Variants in DCDC2 observed in about 807,000 individuals in gnomAD.
DCDC2 encodes the protein doublecortin domain-containing protein 2.
Under a neutral mutation model 50.2 loss-of-function variants are expected in DCDC2, and 40 were observed. That is an observed-to-expected ratio of 0.80 (90% CI 0.62 to 1.04). DCDC2 has a LOEUF of 1.04. Among genes scored for constraint, DCDC2 ranks in the 50% least tolerant of loss-of-function variants. The pLI is 0.00. For missense variants in DCDC2, 570 were observed against 581.9 expected (o/e 0.98, Z 0.21); for synonymous variants, 234 against 210.6 (o/e 1.11, Z -0.96).
chr6:24,220,911 TGAGCGAGC>T (rs1184828335), intron 7 of DCDC2, among the ~76,000 whole-genome samples: 1 of 125,290 alleles, frequency 8.0e-6, no homozygotes, highest in Non-Finnish European at 1.8e-5. Context: ...AGCGAGAGAG[TGAGCGAGC>T]GAGCGAGAGC....
intron 7 of DCDC2, among the ~76,000 whole-genome samples, chr6:24,237,446 A>T (rs2113788121): frequency 6.6e-6 from 1 of 152,346 alleles, no homozygotes; most frequent in African/African-American, 2.4e-5. Flanking sequence ...TGTGGAAAAA[A>T]GGGAATGTTT....
chr6:24,372,368 G>A, the DCDC2 span, among the ~76,000 whole-genome samples: 53 of 151,852 alleles, frequency 3.5e-4, no homozygotes, highest in South Asian at 3.5e-3. Context: ...GTAGTGAGCC[G>A]AGATGGCGCC....
chr6:24,267,458 TAAAAC>T (rs1239935158), intron 7 of DCDC2, among the ~76,000 whole-genome samples: 6 of 152,036 alleles, frequency 3.9e-5, no homozygotes, highest in South Asian at 4.1e-4. Context: ...AAATTAAAAA[TAAAAC>T]AAAACAAAAA....
intron 8 of DCDC2, among the ~76,000 whole-genome samples, chr6:24,193,214 T>C (rs1761349507): frequency 6.6e-6 from 1 of 152,052 alleles, no homozygotes; most frequent in Non-Finnish European, 1.5e-5. Flanking sequence ...AAAATGTGTC[T>C]CCCATGAAGC....
intron 7 of DCDC2, among the ~76,000 whole-genome samples, chr6:24,217,907 T>C (rs957001418): frequency 2.6e-5 from 4 of 152,234 alleles, no homozygotes; most frequent in Admixed American, 6.5e-5. Flanking sequence ...TGACTATGCA[T>C]AAAGTCTGCA....
rs556455237 is a variant in DCDC2, at chr6:24,184,211, C to T, written c.1024-5579G>A. On this transcript the variant is annotated intron_variant, in intron 8 of 9. Coordinates refer to ENST00000378454, the MANE Select transcript of DCDC2 (RefSeq NM_016356.5). The stretch of plus-strand genomic sequence containing the variant: ...CAAGTCGCTACAATAAGGACACTCA[C>T]GTGTACTTTCAATGGCCAGAACATA... 4.7e-3 allele frequency among the ~76,000 whole-genome samples: 722 copies of T among 152,230 alleles called. 6 individuals are homozygous for T. The highest frequency in any genetic ancestry group is 0.016 in the African/African-American group (685 of 41,520).
At chr6:24,381,810 G>GGAAGGAAA in the DCDC2 span, among the ~76,000 whole-genome samples, 2 of 86,236 alleles carry the variant, frequency 2.3e-5, no homozygotes, top group Non-Finnish European at 4.9e-5. Context: ...AAGAAAGGAA[G>GGAAGGAAA]GAAGGAAGGA....
chr6:24,312,259 G>A (rs973709453), intron 2 of DCDC2, among the ~76,000 whole-genome samples: 1 of 151,970 alleles, frequency 6.6e-6, no homozygotes, highest in African/African-American at 2.4e-5. Flanking sequence ...GCACCCAGGT[G>A]ATTAAAAAGC....
At chr6:24,340,930 T>C (rs112424710) in intron 2 of DCDC2, among the ~76,000 whole-genome samples, 8,114 of 152,270 alleles carry the variant, frequency 0.053, 303 homozygotes, top group Non-Finnish European at 0.08. Flanking sequence ...TTCATCATGT[T>C]GGCCAGGCTG....
chr6:24,272,253 T>C (rs999257694), intron 7 of DCDC2, among the ~76,000 whole-genome samples: 172 of 152,130 alleles, frequency 1.1e-3, no homozygotes, highest in African/African-American at 3.8e-3. Context: ...ACAATAAACC[T>C]CAAGAAAATT....
chr6:24,240,550 A>G (rs1762543480), intron 7 of DCDC2, among the ~76,000 whole-genome samples: 1 of 152,204 alleles, frequency 6.6e-6, no homozygotes, highest in Non-Finnish European at 1.5e-5. Flanking sequence ...TAGGTGGTAG[A>G]AAATCATTAA....
At chr6:24,245,393 G>A (rs971238621) in intron 7 of DCDC2, among the ~76,000 whole-genome samples, 1 of 152,110 alleles carries the variant, frequency 6.6e-6, no homozygotes, top group Non-Finnish European at 1.5e-5. Context: ...CTGTCCACTA[G>A]ACCAGAAAGT....
chr6:24,271,360 G>C lies in DCDC2; in HGVS notation c.922+6689C>G, dbSNP rs6914340. ...GTAAGGCAAGAAGCAAAGAGGCCCTGCTTAGAAGTAATGGGTAGCATCTAT... is the reference window on the plus strand; with the variant it reads ...GTAAGGCAAGAAGCAAAGAGGCCCTCCTTAGAAGTAATGGGTAGCATCTAT... On this transcript the variant is annotated intron_variant, in intron 7 of 9. Coordinates refer to ENST00000378454, the MANE Select transcript of DCDC2 (RefSeq NM_016356.5). 1.4e-4 allele frequency among the ~76,000 whole-genome samples: 21 copies of C among 152,258 alleles called. 1 individual carries two copies. Among genetic ancestry groups the C allele is most frequent in the Admixed American group, 8.5e-4 (13 of 15,292 alleles).
At chr6:24,290,006 T>C (rs1033240758) in intron 5 of DCDC2, among the ~76,000 whole-genome samples, 1 of 97,446 alleles carries the variant, frequency 1.0e-5, no homozygotes, top group Admixed American at 1.0e-4. Context: ...TTTTTTTTTT[T>C]TTTTTGAGAC....
Position 24,173,550 on chromosome 6 carries a change from AT to A in DCDC2, c.*1179del, listed in dbSNP as rs1297772313. The stretch of plus-strand genomic sequence containing the variant: ...TTAATTATGTTTTTATGTTTTCCCC[AT>A]ACATACCTCACAAGGCAACTATAAA... On this transcript the variant is annotated 3_prime_UTR_variant, in exon 10 of 10. Transcript: ENST00000378454. 2.0e-5 allele frequency: 3 copies of A among 152,170 alleles called. No individual in the cohort carries two copies. Among genetic ancestry groups the A allele is most frequent in the Non-Finnish European group, 4.4e-5 (3 of 68,002 alleles). The allele number at this position is 152,170 out of a possible 1,614,324, so 9.4% of individuals were successfully genotyped here. A position where few individuals can be genotyped will look rare whatever the true frequency, so the allele number is the denominator to read the frequency against.
In DCDC2 at chr6:24,174,746, T is replaced by C. The variant is rs1248021963; in HGVS notation, c.1415A>G (p.Tyr472Cys). ...ENENNQQNKDYAAVA is the reference protein window; with the variant it reads ...ENENNQQNKDCAAVA Reference sequence around the variant, plus strand: ...AAAAATGTTCTAAGCCACGGCAGCATAGTCCTTGTTTTGTTGGTTGTTTTC... The same window carrying C: ...AAAAATGTTCTAAGCCACGGCAGCACAGTCCTTGTTTTGTTGGTTGTTTTC... Residue 472 changes from tyrosine to cysteine, a missense_variant, in exon 10 of 10, where the codon TAT becomes TGT. Physicochemically the swap from Tyr to Cys is radical, Grantham distance 194 (BLOSUM62 -2). Transcript: ENST00000378454. 12 of 1,613,132 alleles carry C rather than the reference T, an allele frequency of 7.4e-6. No individual in the cohort carries two copies. In the East Asian group the frequency reaches 1.8e-4, roughly 24 times the overall value.
chr6:24,359,159 TTTATA>T (rs1561789086), upstream of DCDC2, among the ~76,000 whole-genome samples: 1 of 57,180 alleles, frequency 1.7e-5, no homozygotes, highest in East Asian at 6.6e-4. Context: ...TTTTATATAT[TTTATA>T]TATTTTATAT....
intron 8 of DCDC2, among the ~76,000 whole-genome samples, chr6:24,188,567 T>C (rs953323624): frequency 6.6e-6 from 1 of 152,220 alleles, no homozygotes; most frequent in African/African-American, 2.4e-5. Flanking sequence ...TTATATTTTA[T>C]GCTCAAAGTC....
chr6:24,254,896 A>G (rs553862965), intron 7 of DCDC2, among the ~76,000 whole-genome samples: 1 of 152,292 alleles, frequency 6.6e-6, no homozygotes, highest in East Asian at 1.9e-4. Context: ...AGATTGATCT[A>G]TAGATTTAAT....
Sources: gnomAD v4.1 joint callset for allele counts (sites outside exome capture counted in the v4.1 genomes callset) on GRCh38, gnomAD v4.1.1 for gene constraint, MANE v1.5 for transcripts, NCBI Gene and HGNC (gene_info 2026-07-23, HGNC 2026-07-21) for gene names.